Variants in PIP4K2A observed in about 807,000 individuals in gnomAD.
PIP4K2A encodes the protein phosphatidylinositol-5-phosphate 4-kinase type 2 alpha.
A neutral mutation model predicts 42.9 loss-of-function variants in PIP4K2A; 14 were observed. The ratio of observed to expected loss-of-function variants is 0.33; its 90% CI spans 0.22 to 0.51. The LOEUF (loss-of-function observed/expected upper bound fraction) is 0.51, where lower values mean the gene tolerates loss of function less well. PIP4K2A is among the 20% of genes least tolerant of loss of function. The probability of loss-of-function intolerance (pLI) is 0.97; values close to 1 mark genes in which losing one functional copy is unlikely to be tolerated. For synonymous variants in PIP4K2A, 192 were observed against 192.2 expected (o/e 1.00, Z 0.01); for missense variants, 434 against 519.8 (o/e 0.83, Z 1.61).
chr10:22,598,893 C>T (rs1306467357), intron 3 of PIP4K2A, among the ~76,000 whole-genome samples: 2 of 152,162 alleles, frequency 1.3e-5, no homozygotes, highest in Non-Finnish European at 2.9e-5. Context: ...TGCAAAAATA[C>T]ACTTTCTTCA....
intron 1 of PIP4K2A, among the ~76,000 whole-genome samples, chr10:22,704,546 T>A (rs1833779530): frequency 6.6e-6 from 1 of 150,928 alleles, no homozygotes; most frequent in Non-Finnish European, 1.5e-5. Context: ...ATCCCAGCAC[T>A]TAGGGAGTCT....
chr10:22,641,629 T>A (rs1050794328), intron 1 of PIP4K2A, among the ~76,000 whole-genome samples: 11 of 150,798 alleles, frequency 7.3e-5, no homozygotes, highest in South Asian at 6.4e-4. Context: ...AAAAAAAAAA[T>A]TTTGTAGAGA....
At chr10:22,663,305 T>C (rs1182197091) in intron 1 of PIP4K2A, among the ~76,000 whole-genome samples, 2 of 152,248 alleles carry the variant, frequency 1.3e-5, no homozygotes, top group Non-Finnish European at 2.9e-5. Flanking sequence ...TGAAATAATG[T>C]ATGCCAAGAA....
chr10:22,549,710 G>A (rs192568936), intron 7 of PIP4K2A, among the ~76,000 whole-genome samples: 25 of 151,434 alleles, frequency 1.7e-4, no homozygotes, highest in African/African-American at 4.8e-4. Context: ...GCGTGGTGGC[G>A]GGTGCCTGTA....
intron 7 of PIP4K2A, among the ~76,000 whole-genome samples, chr10:22,548,834 C>A (rs1836319060): frequency 6.6e-6 from 1 of 151,740 alleles, no homozygotes; most frequent in African/African-American, 2.4e-5. Context: ...TTGCTTGAGG[C>A]CAGGAGTTCA....
In PIP4K2A at chr10:22,534,932, A is replaced by G. The variant is rs777765548; in HGVS notation, c.*2269T>C. ...AGTATTTAAAATGTGTTTGGAACAG[A>G]GACACACAATTGGGACAGAGGAAAA... On this transcript the variant is annotated 3_prime_UTR_variant, in exon 10 of 10. Transcript: ENST00000376573. The G allele has an allele frequency of 2.6e-5, 4 of 152,220 alleles. No homozygotes were observed. Among genetic ancestry groups the G allele is most frequent in the Non-Finnish European group, 5.9e-5 (4 of 68,036 alleles). The allele number at this position is 152,220 out of a possible 1,614,324, so 9.4% of individuals were successfully genotyped here.
At chr10:22,674,415 C>CAAAAAAAAAAAA (rs1002492534) in intron 1 of PIP4K2A, among the ~76,000 whole-genome samples, 3 of 61,128 alleles carry the variant, frequency 4.9e-5, no homozygotes, top group Non-Finnish European at 6.9e-5. Flanking sequence ...CACTTGGGAG[C>CAAAAAAAAAAAA]AAAAAAAAAA....
chr10:22,617,556 T>C (rs1838201822), intron 1 of PIP4K2A, among the ~76,000 whole-genome samples: 2 of 152,196 alleles, frequency 1.3e-5, no homozygotes, highest in Admixed American at 6.5e-5. Flanking sequence ...GCCAAGAATA[T>C]GCAAAAAGTA....
chr10:22,572,604 C>CA (rs56245813), intron 5 of PIP4K2A, among the ~76,000 whole-genome samples: 54,054 of 145,246 alleles, frequency 0.37, 10,120 homozygotes, highest in Non-Finnish European at 0.42. Context: ...GACTCTTTCT[C>CA]AAAAAAAAAA....
chr10:22,691,821 A>G (rs1839875703), intron 1 of PIP4K2A: 1 of 152,234 alleles, frequency 6.6e-6, no homozygotes, highest in South Asian at 2.1e-4. Flanking sequence ...TGTTTCTCAT[A>G]GTTAATCAAT....
chr10:22,712,088 A>G (rs1564475088), intron 1 of PIP4K2A, among the ~76,000 whole-genome samples: 1 of 152,230 alleles, frequency 6.6e-6, no homozygotes, highest in Non-Finnish European at 1.5e-5. Context: ...TATGAAATGG[A>G]AACTTCACTC....
At chr10:22,631,306 G>A (rs1387694825) in intron 1 of PIP4K2A, among the ~76,000 whole-genome samples, 1 of 152,140 alleles carries the variant, frequency 6.6e-6, no homozygotes, top group Non-Finnish European at 1.5e-5. Flanking sequence ...GCCCTTAGGA[G>A]GTATTTAAGG....
intron 1 of PIP4K2A, among the ~76,000 whole-genome samples, chr10:22,682,139 G>A (rs184696285): frequency 6.6e-6 from 1 of 152,262 alleles, no homozygotes; most frequent in Admixed American, 6.5e-5. Context: ...GCTCAAAGAG[G>A]AGTACTCTGT....
At chr10:22,551,939 G>A (rs548704101) in intron 6 of PIP4K2A, among the ~76,000 whole-genome samples, 7 of 152,204 alleles carry the variant, frequency 4.6e-5, no homozygotes, top group Non-Finnish European at 1.0e-4. Flanking sequence ...AGACATGCAT[G>A]TAAACAGTCA....
intron 3 of PIP4K2A, among the ~76,000 whole-genome samples, chr10:22,594,453 T>G (rs1278226394): frequency 6.6e-6 from 1 of 152,218 alleles, no homozygotes; most frequent in Non-Finnish European, 1.5e-5. Context: ...TGGAGTACAG[T>G]GGTGCGATCT....
chr10:22,560,241 C>T (rs367714917), intron 6 of PIP4K2A, among the ~76,000 whole-genome samples: 22 of 152,150 alleles, frequency 1.4e-4, no homozygotes, highest in Non-Finnish European at 2.8e-4. Flanking sequence ...ACCGATGATC[C>T]GCCCACAGTG....
At chr10:22,657,457 T>G (rs1839124783) in intron 1 of PIP4K2A, among the ~76,000 whole-genome samples, 1 of 152,224 alleles carries the variant, frequency 6.6e-6, no homozygotes, top group African/African-American at 2.4e-5. Flanking sequence ...TTGACTGTTG[T>G]GGGTCAGTAA....
At chr10:22,654,221 A>T (rs530891784) in intron 1 of PIP4K2A, among the ~76,000 whole-genome samples, 75 of 152,358 alleles carry the variant, frequency 4.9e-4, no homozygotes, top group Admixed American at 2.2e-3. Context: ...CATAATTTTT[A>T]AAAATGCTAT....
intron 1 of PIP4K2A, among the ~76,000 whole-genome samples, chr10:22,657,603 G>A (rs779178066): frequency 6.6e-6 from 1 of 152,204 alleles, no homozygotes; most frequent in Non-Finnish European, 1.5e-5. Context: ...AACCAATTTA[G>A]ATTCTACAAT....
Sources: gnomAD v4.1 joint callset for allele counts (sites outside exome capture counted in the v4.1 genomes callset) on GRCh38, gnomAD v4.1.1 for gene constraint, MANE v1.5 for transcripts, NCBI Gene and HGNC (gene_info 2026-07-23, HGNC 2026-07-21) for gene names.